CALN1: variants seen among roughly 807,000 people sequenced by gnomAD.
CALN1 encodes the protein calneuron 1.
In CALN1, 17 loss-of-function variants were observed where a neutral mutation model predicts 30.6. The observed-to-expected ratio is 0.56, with a 90% CI of 0.38 to 0.83. The LOEUF (loss-of-function observed/expected upper bound fraction) is 0.83. Ranked by LOEUF, CALN1 falls within the 40% of genes least tolerant of loss-of-function variation. The probability of loss-of-function intolerance (pLI) is 0.00; values close to 1 mark genes in which losing one functional copy is unlikely to be tolerated. For synonymous variants in CALN1, 156 were observed against 131.4 expected (o/e 1.19, Z -1.28); for missense variants, 291 against 354.9 (o/e 0.82, Z 1.45).
chr7:72,215,953 G>C (rs983546553), intron 3 of CALN1, among the ~76,000 whole-genome samples: 2 of 152,124 alleles, frequency 1.3e-5, no homozygotes, highest in Non-Finnish European at 2.9e-5. Flanking sequence ...CCAAGGCTTT[G>C]TCAGATCTGC....
chr7:72,227,147 A>T (rs1330479236), intron 3 of CALN1, among the ~76,000 whole-genome samples: 1 of 152,082 alleles, frequency 6.6e-6, no homozygotes, highest in Admixed American at 6.6e-5. Context: ...CCTGGGCGAC[A>T]GTTTCAATCG....
At chr7:71,938,957 C>T (rs1795984896) in intron 5 of CALN1, among the ~76,000 whole-genome samples, 2 of 152,052 alleles carry the variant, frequency 1.3e-5, no homozygotes, top group African/African-American at 4.8e-5. Flanking sequence ...ATCATCAATT[C>T]AATGCATTCA....
intron 2 of CALN1, among the ~76,000 whole-genome samples, chr7:72,380,813 G>C (rs1804854085): frequency 6.6e-6 from 1 of 152,158 alleles, no homozygotes; most frequent in South Asian, 2.1e-4. Flanking sequence ...TGGCACTCCA[G>C]TCTCGGCAAC....
chr7:72,369,302 T>A (rs1019751573), intron 2 of CALN1, among the ~76,000 whole-genome samples: 1 of 147,410 alleles, frequency 6.8e-6, no homozygotes. Context: ...TATATATTTA[T>A]ATATTTATAA....
At chr7:72,409,011 G>T (rs531127997) in intron 1 of CALN1, among the ~76,000 whole-genome samples, 2 of 151,568 alleles carry the variant, frequency 1.3e-5, no homozygotes, top group East Asian at 4.0e-4. Context: ...GGGGGGCAGC[G>T]GTGGAACAGA....
chr7:72,249,548 A>G (rs1442824911), intron 3 of CALN1, among the ~76,000 whole-genome samples: 1 of 149,308 alleles, frequency 6.7e-6, no homozygotes, highest in Non-Finnish European at 1.5e-5. Flanking sequence ...CATGCCTGTA[A>G]TCACAGCCTT....
chr7:72,392,219 A>C (rs1028714278), intron 2 of CALN1, among the ~76,000 whole-genome samples: 3 of 152,064 alleles, frequency 2.0e-5, no homozygotes, highest in African/African-American at 7.2e-5. Flanking sequence ...GTGATCAAAT[A>C]ATGTCAGCCC....
At position 72,031,824 on chromosome 7, in the gene CALN1, C is replaced by T. The variant is rs552728785; in HGVS notation, c.389-8055G>A. Among the ~76,000 whole-genome samples, 6 of 150,982 alleles carry T rather than the reference C, an allele frequency of 4.0e-5. No individual in the cohort carries two copies. The East Asian group carries it at 1.2e-3, about 30-fold the overall frequency. ...TGGCATGATCTTGGCTGATCGCAAC[C>T]TCCGCCTTCCGGGTTCAAGTGATTC... On this transcript the variant is annotated intron_variant, in intron 4 of 6. Coordinates refer to ENST00000395275, the MANE Select transcript of CALN1 (RefSeq NM_031468.4).
intron 2 of CALN1, among the ~76,000 whole-genome samples, chr7:72,283,314 C>T (rs1797859237): frequency 6.6e-6 from 1 of 152,122 alleles, no homozygotes; most frequent in Non-Finnish European, 1.5e-5. Context: ...CACTTGATGT[C>T]AGGATTTCCA....
intron 3 of CALN1, among the ~76,000 whole-genome samples, chr7:72,121,457 A>C (rs1169971210): frequency 1.4e-5 from 2 of 147,118 alleles, no homozygotes; most frequent in Non-Finnish European, 3.0e-5. Context: ...TATAGTATAG[A>C]TATATATAAT....
At chr7:72,325,136 C>CA (rs1484062960) in intron 2 of CALN1, among the ~76,000 whole-genome samples, 2 of 151,796 alleles carry the variant, frequency 1.3e-5, no homozygotes, top group Admixed American at 6.6e-5. Flanking sequence ...CCCGTCTCTA[C>CA]AAAAAAATTT....
At chr7:72,199,219 G>A (rs1456529116) in intron 3 of CALN1, among the ~76,000 whole-genome samples, 1 of 152,200 alleles carries the variant, frequency 6.6e-6, no homozygotes, top group Non-Finnish European at 1.5e-5. Context: ...AGGTTGCAGT[G>A]AGCTGAGATT....
intron 2 of CALN1, among the ~76,000 whole-genome samples, chr7:72,390,779 T>C (rs933836813): frequency 6.6e-6 from 1 of 152,222 alleles, no homozygotes; most frequent in African/African-American, 2.4e-5. Context: ...TATTATTTAA[T>C]ACATCAACAA....
intron 2 of CALN1, among the ~76,000 whole-genome samples, chr7:72,379,346 A>C (rs1351533348): frequency 6.6e-6 from 1 of 152,210 alleles, no homozygotes; most frequent in Non-Finnish European, 1.5e-5. Context: ...GGATACATTA[A>C]AGGGTTAAAC....
intron 2 of CALN1, among the ~76,000 whole-genome samples, chr7:72,325,528 G>A (rs1050398900): frequency 6.6e-6 from 1 of 152,116 alleles, no homozygotes; most frequent in African/African-American, 2.4e-5. Flanking sequence ...TTGAACCCAG[G>A]AGGCAGAGGT....
the CALN1 span, among the ~76,000 whole-genome samples, chr7:72,485,336 A>C: frequency 6.6e-6 from 1 of 152,054 alleles, no homozygotes; most frequent in Non-Finnish European, 1.5e-5. Context: ...AAGTGGGAGG[A>C]TCACTTGAGC....
At chr7:71,836,093 G>A (rs1445812096) in intron 5 of CALN1, among the ~76,000 whole-genome samples, 1 of 152,100 alleles carries the variant, frequency 6.6e-6, no homozygotes, top group African/African-American at 2.4e-5. Context: ...CTGCTGCCTG[G>A]ACCTAGAATG....
chr7:72,167,668 G>A (rs1358185067), intron 3 of CALN1, among the ~76,000 whole-genome samples: 1 of 152,206 alleles, frequency 6.6e-6, no homozygotes, highest in African/African-American at 2.4e-5. Context: ...CACACTGCTA[G>A]TCACATGCTC....
intron 3 of CALN1, among the ~76,000 whole-genome samples, chr7:72,203,335 C>G (rs540622339): frequency 1.3e-5 from 2 of 151,542 alleles, no homozygotes; most frequent in East Asian, 3.9e-4. Context: ...ACATGTATCC[C>G]AGAACTTAAA....
Sources: gnomAD v4.1 joint callset for allele counts (sites outside exome capture counted in the v4.1 genomes callset) on GRCh38, gnomAD v4.1.1 for gene constraint, MANE v1.5 for transcripts, NCBI Gene and HGNC (gene_info 2026-07-23, HGNC 2026-07-21) for gene names.